The following SYNPR variants were observed in gnomAD, a reference collection of about 807,000 sequenced individuals.
The protein encoded by SYNPR is synaptoporin.
SYNPR carries 23 observed loss-of-function variants against 32.9 expected under a neutral mutation model. That is an observed-to-expected ratio of 0.70 (90% CI 0.50 to 0.99). The LOEUF (loss-of-function observed/expected upper bound fraction) is 0.99, where lower values mean the gene tolerates loss of function less well. Ranked by LOEUF, SYNPR falls within the 50% of genes least tolerant of loss-of-function variation. The probability of loss-of-function intolerance (pLI) is 0.00; values close to 1 mark genes in which losing one functional copy is unlikely to be tolerated. For missense variants in SYNPR, 318 were observed against 349.3 expected, an observed-to-expected ratio of 0.91 and a Z score of 0.71; for synonymous variants, 146 against 135.9, an observed-to-expected ratio of 1.07 and a Z score of -0.52.
Position 63,298,604 on chromosome 3 carries a change from G to A in SYNPR, c.84+19862G>A, listed in dbSNP as rs1273907650. On this transcript the variant is annotated intron_variant, in intron 2 of 5. Coordinates refer to ENST00000478300, the MANE Select transcript of SYNPR (RefSeq NM_001130003.2). ...TGCCTTAGGGACAAAAAGGTACACA[G>A]TAAGCTTTCCACTTCCATTCCTTAT... 2.0e-5 allele frequency among the ~76,000 whole-genome samples: 3 copies of A among 152,138 alleles called. No individual in the cohort carries two copies. In the East Asian group the frequency reaches 5.8e-4, roughly 29 times the overall value.
intron 3 of SYNPR, among the ~76,000 whole-genome samples, chr3:63,527,154 C>T (rs181523529): frequency 5.3e-5 from 8 of 152,078 alleles, no homozygotes; most frequent in Non-Finnish European, 8.8e-5. Context: ...CAAACCCAGG[C>T]GGAATAGTAG....
chr3:63,586,325 A>G (rs986636110), intron 4 of SYNPR, among the ~76,000 whole-genome samples: 2 of 152,026 alleles, frequency 1.3e-5, no homozygotes, highest in African/African-American at 4.8e-5. Context: ...TGTAGTCACA[A>G]TCCTTCCCCC....
Position 63,479,446 on chromosome 3 carries a change from G to GCGCGCGCGCACACACACA in SYNPR, c.85-1385_85-1384insGCGCGCGCACACACACAC, listed in dbSNP as rs6147854. 6.7e-3 allele frequency among the ~76,000 whole-genome samples: 915 copies of GCGCGCGCGCACACACACA among 135,842 alleles called. 9 individuals carry two copies. The highest frequency in any genetic ancestry group is 9.5e-3 in the Non-Finnish European group (602 of 63,386). 89.1% of individuals were successfully genotyped at this position (135,842 alleles called of 152,430 possible). ...AGTCACTTAAAACTGCCACACACAT[G>GCGCGCGCGCACACACACA]CACACACACATACACACACACACAC... is the stretch of plus-strand genomic sequence containing the variant. On this transcript the variant is annotated intron_variant, in intron 2 of 5. Coordinates refer to ENST00000478300, the MANE Select transcript of SYNPR (RefSeq NM_001130003.2).
intron 2 of SYNPR, among the ~76,000 whole-genome samples, chr3:63,425,139 G>C (rs754323343): frequency 4.6e-5 from 7 of 152,094 alleles, no homozygotes; most frequent in Non-Finnish European, 7.4e-5. Context: ...GCATGAGATG[G>C]AAAAATGCTC....
At chr3:63,494,479 A>ACATATG (rs1559516477) in intron 3 of SYNPR, among the ~76,000 whole-genome samples, 16 of 89,404 alleles carry the variant, frequency 1.8e-4, no homozygotes, top group African/African-American at 7.7e-4. Context: ...ACATATATAC[A>ACATATG]TATATATACA....
At chr3:63,446,864 T>C (rs970755269) in intron 2 of SYNPR, among the ~76,000 whole-genome samples, 4 of 152,202 alleles carry the variant, frequency 2.6e-5, no homozygotes, top group Non-Finnish European at 4.4e-5. Flanking sequence ...CTGTGTCTAA[T>C]AAGCAACAGC....
intron 2 of SYNPR, among the ~76,000 whole-genome samples, chr3:63,443,807 C>A (rs923143651): frequency 6.6e-6 from 1 of 152,158 alleles, no homozygotes; most frequent in Admixed American, 6.5e-5. Flanking sequence ...TGTTTAATAT[C>A]CTAAATACAT....
rs192015706 is a variant in SYNPR, at chr3:63,456,766, C to T, written c.85-24066C>T. ...CGCCTCTTTCCCTGAGGTCTTGCCG[C>T]TTGTCCCATCCTGGTGAACCCACTC... On this transcript the variant is annotated intron_variant, in intron 2 of 5. Coordinates refer to ENST00000478300, the MANE Select transcript of SYNPR (RefSeq NM_001130003.2). Among the ~76,000 whole-genome samples, 35 of 152,006 alleles carry T rather than the reference C, an allele frequency of 2.3e-4. 1 individual carries two copies. The East Asian group carries it at 4.6e-3, about 20-fold the overall frequency.
At chr3:63,260,043 A>G (rs2086422993) in intron 2 of SYNPR, among the ~76,000 whole-genome samples, 1 of 152,200 alleles carries the variant, frequency 6.6e-6, no homozygotes, top group Non-Finnish European at 1.5e-5. Flanking sequence ...AAGGAGAACC[A>G]CAAACCACTG....
chr3:63,309,371 T>C (rs2086939857), intron 2 of SYNPR, among the ~76,000 whole-genome samples: 1 of 152,062 alleles, frequency 6.6e-6, no homozygotes. Flanking sequence ...CCTGTGTGTT[T>C]GCATGTTTGC....
intron 2 of SYNPR, among the ~76,000 whole-genome samples, chr3:63,379,167 T>A (rs2087932956): frequency 6.6e-6 from 1 of 152,184 alleles, no homozygotes; most frequent in Non-Finnish European, 1.5e-5. Context: ...GTATTCTGTA[T>A]AATTTTAATT....
chr3:63,482,077 C>G (rs1412715681), intron 3 of SYNPR, among the ~76,000 whole-genome samples: 1 of 152,148 alleles, frequency 6.6e-6, no homozygotes, highest in African/African-American at 2.4e-5. Context: ...AGAGACCTAT[C>G]TGAACTGGAA....
chr3:63,446,906 A>C (rs1700288231), intron 2 of SYNPR, among the ~76,000 whole-genome samples: 1 of 152,216 alleles, frequency 6.6e-6, no homozygotes, highest in East Asian at 1.9e-4. Context: ...GCACCCAGTT[A>C]GTTAAAAAAA....
At chr3:63,496,549 A>G (rs767440598) in intron 3 of SYNPR, among the ~76,000 whole-genome samples, 1 of 152,162 alleles carries the variant, frequency 6.6e-6, no homozygotes, top group Admixed American at 6.6e-5. Context: ...CACACCTTAA[A>G]TTTTTATAGA....
intron 3 of SYNPR, among the ~76,000 whole-genome samples, chr3:63,514,139 A>T (rs1701749374): frequency 6.6e-6 from 1 of 152,190 alleles, no homozygotes. Context: ...TAAGGCATGT[A>T]GGTATAATCA....
At chr3:63,563,234 G>A (rs1702722848) in intron 4 of SYNPR, among the ~76,000 whole-genome samples, 1 of 152,152 alleles carries the variant, frequency 6.6e-6, no homozygotes, top group Non-Finnish European at 1.5e-5. Context: ...ACAATTGCTA[G>A]GTTGAACCAT....
chr3:63,410,523 C>T (rs537310703), intron 2 of SYNPR, among the ~76,000 whole-genome samples: 118 of 152,226 alleles, frequency 7.8e-4, no homozygotes, highest in African/African-American at 2.6e-3. Context: ...GGAAGATGAG[C>T]AAGATACCAA....
intron 2 of SYNPR, among the ~76,000 whole-genome samples, chr3:63,438,167 A>G (rs2107155163): frequency 6.6e-6 from 1 of 152,310 alleles, no homozygotes; most frequent in Non-Finnish European, 1.5e-5. Context: ...CGGTCTTCAG[A>G]AAATATGTCT....
intron 3 of SYNPR, among the ~76,000 whole-genome samples, chr3:63,516,803 T>C (rs1701809103): frequency 6.6e-6 from 1 of 152,160 alleles, no homozygotes; most frequent in Admixed American, 6.5e-5. Flanking sequence ...CTGTTTGATA[T>C]GCATTCGCCT....
Sources: gnomAD v4.1 joint callset for allele counts (sites outside exome capture counted in the v4.1 genomes callset) on GRCh38, gnomAD v4.1.1 for gene constraint, MANE v1.5 for transcripts, NCBI Gene and HGNC (gene_info 2026-07-23, HGNC 2026-07-21) for gene names.